LRRIQ3: variants seen among roughly 807,000 people sequenced by gnomAD.
LRRIQ3 encodes leucine-rich repeat and IQ domain-containing protein 3.
In LRRIQ3, 75 loss-of-function variants were observed where a neutral mutation model predicts 59.3. The observed-to-expected ratio is 1.26, with a 90% CI of 1.05 to 1.53. LRRIQ3 has a LOEUF of 1.53. Among genes scored for constraint, LRRIQ3 ranks in the 40% most tolerant of loss-of-function variants. The pLI, the probability that LRRIQ3 is intolerant of heterozygous loss-of-function variation, is 0.00. For missense variants in LRRIQ3, 831 were observed against 710.0 expected, an observed-to-expected ratio of 1.17 and a Z score of -1.94; for synonymous variants, 250 against 231.3, an observed-to-expected ratio of 1.08 and a Z score of -0.73.
chr1:74,155,670 C>T, intron 4 of LRRIQ3, 63 bp downstream of exon 4: 2 of 1,434,414 alleles, frequency 1.4e-6, no homozygotes, highest in African/African-American at 1.5e-5. Flanking sequence ...GAATTGACTT[C>T]TTATCATTTA....
At chr1:74,027,029 T>A in intron 7 of LRRIQ3, 60 bp from the exon 8 acceptor site, 1 of 1,109,872 alleles carries the variant, frequency 9.0e-7, no homozygotes, top group Non-Finnish European at 1.3e-6. Context: ...ACCATGGCAA[T>A]CTATTAGACT....
intron 4 of LRRIQ3, among the ~76,000 whole-genome samples, chr1:74,116,001 A>G (rs925536443): frequency 1.3e-5 from 2 of 152,090 alleles, no homozygotes; most frequent in Non-Finnish European, 2.9e-5. Flanking sequence ...AATATAAATG[A>G]GGACATTATT....
At position 74,154,240 on chromosome 1, in the gene LRRIQ3, C is replaced by CAAAAAAAAAAAAA. The variant is rs71078186; in HGVS notation, c.707+1480_707+1492dup. Among the ~76,000 whole-genome samples the CAAAAAAAAAAAAA allele has an allele frequency of 8.7e-4, 50 of 57,278 alleles. 4 individuals are homozygous for CAAAAAAAAAAAAA. Among genetic ancestry groups the CAAAAAAAAAAAAA allele is most frequent in the Non-Finnish European group, 1.0e-3 (33 of 33,054 alleles). The allele number at this position is 57,278 out of a possible 152,430, so 37.6% of individuals were successfully genotyped here. ...TGGGCGACAGAGCGAGACTCCTTCT[C>CAAAAAAAAAAAAA]AAAAAAAAAAAAAAAAAAAAAAAAA... On this transcript the variant is annotated intron_variant, in intron 4 of 7. Transcript: ENST00000354431.
Position 74,046,333 on chromosome 1 carries a change from A to G in LRRIQ3, c.998-4400T>C, listed in dbSNP as rs144730702. On this transcript the variant is annotated intron_variant, in intron 6 of 7. Coordinates refer to ENST00000354431, the MANE Select transcript of LRRIQ3 (RefSeq NM_001105659.2). ...TCTACAACAATCTGATCTTCAACAA[A>G]CCTGACAAAAACAAGAAATGGGGAA... 2.3e-3 allele frequency among the ~76,000 whole-genome samples: 348 copies of G among 152,260 alleles called. 4 individuals carry two copies. Among genetic ancestry groups the G allele is most frequent in the African/African-American group, 7.6e-3 (315 of 41,542 alleles).
chr1:74,114,597 G>A (rs1215846334), intron 4 of LRRIQ3, among the ~76,000 whole-genome samples: 12 of 151,758 alleles, frequency 7.9e-5, no homozygotes, highest in Admixed American at 3.9e-4. Context: ...TTAGCCAGGC[G>A]TGGTGGCAGG....
intron 3 of LRRIQ3, among the ~76,000 whole-genome samples, chr1:74,164,210 A>G (rs1229020346): frequency 6.6e-6 from 1 of 151,452 alleles, no homozygotes; most frequent in Non-Finnish European, 1.5e-5. Flanking sequence ...TATAGGCTGA[A>G]TCGTTTCCCC....
At position 74,154,804 on chromosome 1, in the gene LRRIQ3, C is replaced by T. The variant is rs374496293; in HGVS notation, c.707+929G>A. Among the ~76,000 whole-genome samples the T allele has an allele frequency of 2.0e-5, 3 of 152,276 alleles. No individual in the cohort carries two copies. In the East Asian group the frequency reaches 5.8e-4, roughly 29 times the overall value. On this transcript the variant is annotated intron_variant, in intron 4 of 7. Coordinates refer to ENST00000354431, the MANE Select transcript of LRRIQ3 (RefSeq NM_001105659.2). ...TTTACTCAGGTAATTTGACTTGTCT[C>T]CAATGTGAGATTATGTTCTCTCATA...
intron 6 of LRRIQ3, among the ~76,000 whole-genome samples, chr1:74,060,197 CTTCTTCTTCTTCTTCTTCTTCTTG>C (rs755176632): frequency 0.13 from 8,162 of 60,786 alleles, 261 homozygotes; most frequent in East Asian, 0.27. Flanking sequence ...TTTTCTTCTT[CTTCTTCTTCTTCTTCTTCTTCTTG>C]TTCTTCTTCT....
At chr1:74,106,497 T>G (rs974507111) in intron 5 of LRRIQ3, among the ~76,000 whole-genome samples, 4 of 151,976 alleles carry the variant, frequency 2.6e-5, no homozygotes, top group Non-Finnish European at 4.4e-5. Context: ...CCTTCTAAAT[T>G]CATGTTTGAA....
chr1:74,101,256 A>G (rs994801140), intron 5 of LRRIQ3, among the ~76,000 whole-genome samples: 1 of 152,242 alleles, frequency 6.6e-6, no homozygotes, highest in Non-Finnish European at 1.5e-5. Flanking sequence ...ATGGATATGA[A>G]CAAACACTTC....
chr1:74,045,380 T>C (rs906827528), intron 6 of LRRIQ3, among the ~76,000 whole-genome samples: 6 of 152,120 alleles, frequency 3.9e-5, no homozygotes, highest in Non-Finnish European at 8.8e-5. Flanking sequence ...ATCTCAATAG[T>C]TGCAGAAAAG....
chr1:74,042,043 A>T, intron 6 of LRRIQ3, 110 bp from the exon 7 acceptor site: 1 of 1,139,150 alleles, frequency 8.8e-7, no homozygotes, highest in Non-Finnish European at 1.1e-6. Context: ...TACTTTACTA[A>T]GAAGAATTTT....
At chr1:74,064,303 T>C (rs1344900460) in intron 6 of LRRIQ3, among the ~76,000 whole-genome samples, 1 of 151,946 alleles carries the variant, frequency 6.6e-6, no homozygotes, top group Non-Finnish European at 1.5e-5. Context: ...ATTACTCCAA[T>C]ATAGCTTTGT....
intron 5 of LRRIQ3, among the ~76,000 whole-genome samples, chr1:74,077,793 G>T (rs969358258): frequency 4.6e-5 from 7 of 152,010 alleles, no homozygotes; most frequent in Admixed American, 2.6e-4. Flanking sequence ...CAAAAGTAAA[G>T]AAATGGGCTT....
chr1:74,117,621 C>T (rs2100578653), intron 4 of LRRIQ3, among the ~76,000 whole-genome samples: 1 of 152,136 alleles, frequency 6.6e-6, no homozygotes. Flanking sequence ...CACAAATTAG[C>T]CAGGCATGGT....
At chr1:74,167,563 AT>A (rs201073783) in intron 3 of LRRIQ3, among the ~76,000 whole-genome samples, 8 of 150,970 alleles carry the variant, frequency 5.3e-5, no homozygotes, top group East Asian at 3.9e-4. Flanking sequence ...ACTTCCACAT[AT>A]TTTTTTTTAA....
At chr1:74,083,883 CTGCAA>C (rs1646298830) in intron 5 of LRRIQ3, 1 of 279,368 alleles carries the variant, frequency 3.6e-6, no homozygotes, top group African/African-American at 2.2e-5. Flanking sequence ...TTAGCAGTCT[CTGCAA>C]AGCAATTTTT....
At chr1:74,130,537 C>G (rs945839863) in intron 4 of LRRIQ3, among the ~76,000 whole-genome samples, 3 of 152,114 alleles carry the variant, frequency 2.0e-5, no homozygotes, top group Admixed American at 2.0e-4. Flanking sequence ...TCTTGAGTGG[C>G]TCCTTCATTG....
At chr1:74,038,195 C>A (rs1226667281) in intron 7 of LRRIQ3, among the ~76,000 whole-genome samples, 2 of 152,302 alleles carry the variant, frequency 1.3e-5, no homozygotes, top group East Asian at 3.9e-4. Flanking sequence ...CTGTGGCAGA[C>A]TGCAGCCAGA....
Sources: gnomAD v4.1 joint callset for allele counts (sites outside exome capture counted in the v4.1 genomes callset) on GRCh38, gnomAD v4.1.1 for gene constraint, MANE v1.5 for transcripts, NCBI Gene and HGNC (gene_info 2026-07-23, HGNC 2026-07-21) for gene names.